Variants in GTF2IRD1 observed in about 807,000 individuals in gnomAD.
The protein encoded by GTF2IRD1 is GTF2I repeat domain containing 1, also known as general transcription factor II-I repeat domain-containing protein 1.
In GTF2IRD1, 26 loss-of-function variants were observed where a neutral mutation model predicts 113.2. The observed-to-expected ratio is 0.23, with a 90% CI of 0.17 to 0.32. The LOEUF is 0.32. GTF2IRD1 is among the 10% of genes least tolerant of loss of function. The pLI is 1.00. For missense variants in GTF2IRD1, 864 were observed against 1,280.8 expected (o/e 0.67, Z 4.97); for synonymous variants, 484 against 529.1 (o/e 0.91, Z 1.17).
At chr7:74,497,026 G>T (rs1429810841) in intron 1 of GTF2IRD1, among the ~76,000 whole-genome samples, 1 of 152,072 alleles carries the variant, frequency 6.6e-6, no homozygotes, top group Non-Finnish European at 1.5e-5. Flanking sequence ...GCCAGGCATG[G>T]CGGTGCACAC....
At chr7:74,575,055 G>A (rs12055887) in intron 22 of GTF2IRD1, among the ~76,000 whole-genome samples, 63,868 of 151,744 alleles carry the variant, frequency 0.42, 13,683 homozygotes, top group Non-Finnish European at 0.45. Context: ...GCGCCATTGC[G>A]CTCCAGCTTG....
intron 15 of GTF2IRD1, 52 bp downstream of exon 15, chr7:74,544,854 C>A (rs111761522): frequency 6.9e-7 from 1 of 1,452,684 alleles, no homozygotes; most frequent in Non-Finnish European, 9.6e-7. Context: ...CCCCATCTCT[C>A]TTCCCCTGCC....
chr7:74,519,162 A>G (rs1797119039), intron 5 of GTF2IRD1, among the ~76,000 whole-genome samples: 1 of 152,178 alleles, frequency 6.6e-6, no homozygotes, highest in South Asian at 2.1e-4. Flanking sequence ...GCGGGATCTG[A>G]ACAGTGGATT....
At chr7:74,564,581 T>C (rs1307205817) in intron 22 of GTF2IRD1, among the ~76,000 whole-genome samples, 1 of 152,008 alleles carries the variant, frequency 6.6e-6, no homozygotes, top group Non-Finnish European at 1.5e-5. Flanking sequence ...CAAGATCCCA[T>C]CCTGCAAAGA....
At chr7:74,545,221 T>C (rs1280143842) in intron 15 of GTF2IRD1, among the ~76,000 whole-genome samples, 1 of 152,046 alleles carries the variant, frequency 6.6e-6, no homozygotes, top group Non-Finnish European at 1.5e-5. Flanking sequence ...CTGCTGAGAA[T>C]GGAAGTAGGA....
At chr7:74,558,330 G>A (rs1354964672) in intron 20 of GTF2IRD1, among the ~76,000 whole-genome samples, 6 of 132,984 alleles carry the variant, frequency 4.5e-5, no homozygotes, top group Non-Finnish European at 8.2e-5. Flanking sequence ...ATATTGGTGT[G>A]GCTTTTTCTT....
chr7:74,507,375 G>C (rs1327248739), intron 1 of GTF2IRD1: 3 of 152,206 alleles, frequency 2.0e-5, no homozygotes, highest in Non-Finnish European at 2.9e-5. Flanking sequence ...GGGAGGCTGA[G>C]GCAGGAGAAT....
chr7:74,582,009 C>A (rs1371913513), intron 22 of GTF2IRD1, among the ~76,000 whole-genome samples: 1 of 151,968 alleles, frequency 6.6e-6, no homozygotes, highest in Non-Finnish European at 1.5e-5. Context: ...CATCTCAACT[C>A]AAAAAAATAA....
At chr7:74,569,876 G>A (rs1800586415) in intron 22 of GTF2IRD1, among the ~76,000 whole-genome samples, 1 of 152,146 alleles carries the variant, frequency 6.6e-6, no homozygotes, top group Non-Finnish European at 1.5e-5. Context: ...AGTGAAACCT[G>A]AGTGGTATTT....
chr7:74,583,242 G>A (rs1801521873), intron 22 of GTF2IRD1, among the ~76,000 whole-genome samples: 1 of 151,986 alleles, frequency 6.6e-6, no homozygotes, highest in East Asian at 1.9e-4. Context: ...AGGCTGGAGT[G>A]CAGTGGGGCA....
At chr7:74,544,691 G>A (rs1340669543) in intron 14 of GTF2IRD1, 64 bp from the exon 15 acceptor site, 20 of 1,524,448 alleles carry the variant, frequency 1.3e-5, no homozygotes, top group South Asian at 2.3e-5. Flanking sequence ...CTGGCCTGAC[G>A]TCGGCAGTGC....
Position 74,547,188 on chromosome 7 carries a change from G to C in GTF2IRD1, c.1818G>C (p.Leu606=), listed in dbSNP as rs1232479202. The change falls in exon 17 of 27, where the codon CTG becomes CTC. Residue 606 remains leucine (L), a synonymous_variant. Coordinates refer to ENST00000424337, the MANE Select transcript of GTF2IRD1 (RefSeq NM_005685.4). Reference sequence around the variant, plus strand: ...CGGAGGAGCTGTTTGTGGTGGGACTGCCTGAAGGCATCTCCCTCCGCAGGC... The same window carrying C: ...CGGAGGAGCTGTTTGTGGTGGGACTCCCTGAAGGCATCTCCCTCCGCAGGC... ...MHPEELFVVG[L]PEGISLRRPN... The C allele has an allele frequency of 6.2e-7, 1 of 1,613,560 alleles. No homozygotes were observed. The highest frequency in any genetic ancestry group is 1.3e-5 in the African/African-American group (1 of 74,912).
chr7:74,496,339 TATGTGC>T (rs1795683569), intron 1 of GTF2IRD1, among the ~76,000 whole-genome samples: 1 of 140,722 alleles, frequency 7.1e-6, no homozygotes. Flanking sequence ...GGTGTGCATG[TATGTGC>T]ATGTGTGTGT....
chr7:74,529,495 A>G (rs1250502420), intron 8 of GTF2IRD1, among the ~76,000 whole-genome samples: 1 of 152,124 alleles, frequency 6.6e-6, no homozygotes. Context: ...GGCTCAAGCC[A>G]TCTGTCCACC....
chr7:74,590,130 G>A (rs587675557), intron 23 of GTF2IRD1, among the ~76,000 whole-genome samples: 2 of 152,144 alleles, frequency 1.3e-5, no homozygotes, highest in East Asian at 3.9e-4. Flanking sequence ...TGCCCAAGCT[G>A]GAGTACAGTG....
intron 1 of GTF2IRD1, among the ~76,000 whole-genome samples, chr7:74,477,072 G>C (rs1794456911): frequency 6.6e-6 from 1 of 152,102 alleles, no homozygotes; most frequent in African/African-American, 2.4e-5. Context: ...AGTGTTTAAA[G>C]CAAGAACGGG....
At chr7:74,462,863 T>TGCGATCCTCC (rs1793471303) in intron 1 of GTF2IRD1, among the ~76,000 whole-genome samples, 24 of 152,394 alleles carry the variant, frequency 1.6e-4, no homozygotes, top group Non-Finnish European at 3.4e-4. Context: ...TCCGGGCCTC[T>TGCGATCCTCC]GGCCCCATGC....
rs782281946 is a variant in GTF2IRD1 at position 74,539,912 on chromosome 7, C to T, written c.1562C>T (p.Ser521Leu). Residue 521 changes from serine to leucine, a missense_variant, in exon 14 of 27, where the codon TCG becomes TTG. Coordinates refer to ENST00000424337, the MANE Select transcript of GTF2IRD1 (RefSeq NM_005685.4). Reference protein sequence around the residue: ...PSPTSEEMTDSMPGHLPSEDS... With the variant: ...PSPTSEEMTDLMPGHLPSEDS... ...CCAACCTCTGAGGAAATGACAGACTCGATGCCTGGGCACCTGCCATCGGAG... is the reference window on the plus strand; with the variant it reads ...CCAACCTCTGAGGAAATGACAGACTTGATGCCTGGGCACCTGCCATCGGAG... The T allele has an allele frequency of 6.8e-6, 11 of 1,612,962 alleles. No homozygotes were observed. Among genetic ancestry groups the T allele is most frequent in the Admixed American group, 6.7e-5 (4 of 59,968 alleles).
At chr7:74,551,071 G>T (rs1178789495) in intron 17 of GTF2IRD1, among the ~76,000 whole-genome samples, 1 of 149,990 alleles carries the variant, frequency 6.7e-6, no homozygotes, top group South Asian at 2.1e-4. Context: ...CCGGGGCATG[G>T]TGGCTCACAT....
Sources: allele counts gnomAD v4.1 joint callset (sites outside exome capture counted in the v4.1 genomes callset), GRCh38; gene constraint gnomAD v4.1.1; transcripts MANE v1.5; gene names NCBI Gene and HGNC (gene_info 2026-07-23, HGNC 2026-07-21).